TRAPPC9: variants seen among roughly 807,000 people sequenced by gnomAD.
TRAPPC9 encodes trafficking protein particle complex subunit 9.
A neutral mutation model predicts 124.0 loss-of-function variants in TRAPPC9; 83 were observed. The observed-to-expected ratio is 0.67, with a 90% CI of 0.56 to 0.80. The LOEUF is 0.80. TRAPPC9 is among the 30% of genes least tolerant of loss of function. The pLI is 0.00. For missense variants in TRAPPC9, 1,302 were observed against 1,508.3 expected (o/e 0.86, Z 2.27); for synonymous variants, 638 against 617.5 (o/e 1.03, Z -0.49).
chr8:139,970,442 G>A (rs1835988509), intron 19 of TRAPPC9, among the ~76,000 whole-genome samples: 1 of 152,136 alleles, frequency 6.6e-6, no homozygotes, highest in Non-Finnish European at 1.5e-5. Context: ...GGGGAGGGAG[G>A]GTACAAGGGA....
At chr8:140,168,772 G>T (rs933549055) in intron 17 of TRAPPC9, among the ~76,000 whole-genome samples, 1 of 152,176 alleles carries the variant, frequency 6.6e-6, no homozygotes, top group Non-Finnish European at 1.5e-5. Context: ...GATGTGGGGT[G>T]CATTTCACTC....
chr8:139,885,982 C>A lies in TRAPPC9; in HGVS notation c.2965-13G>T. The A allele has an allele frequency of 6.4e-7, 1 of 1,558,432 alleles. No individual in the cohort carries two copies. The highest frequency in any genetic ancestry group is 8.7e-7 in the Non-Finnish European group (1 of 1,150,586). ...GCTTCAGGGAGGGGTGAGCCTTGGT[C>A]AAGGAAAACGCAACTCCTGCGGAGC... On this transcript the variant is annotated splice_polypyrimidine_tract_variant and intron_variant, in intron 20 of 22. Coordinates refer to ENST00000438773, the MANE Select transcript of TRAPPC9 (RefSeq NM_001160372.4).
Position 139,930,549 on chromosome 8 carries a change from C to T in TRAPPC9, c.2811-20249G>A, listed in dbSNP as rs181768305. ...ATAGTCACACCCCTCTTTTTTCCAT[C>T]CTAGACATCAAACAGACAAAATGGT... On this transcript the variant is annotated intron_variant, in intron 19 of 22. Coordinates refer to ENST00000438773, the MANE Select transcript of TRAPPC9 (RefSeq NM_001160372.4). Among the ~76,000 whole-genome samples the T allele has an allele frequency of 3.5e-3, 540 of 152,272 alleles. 6 individuals carry two copies. The highest frequency in any genetic ancestry group is 2.9e-3 in the Non-Finnish European group (198 of 68,016).
At chr8:140,129,005 T>TATATATATTTA (rs1563783126) in intron 17 of TRAPPC9, among the ~76,000 whole-genome samples, 1 of 134,754 alleles carries the variant, frequency 7.4e-6, no homozygotes, top group Non-Finnish European at 1.6e-5. Context: ...ATATATATAT[T>TATATATATTTA]AAAAAAAAAA....
chr8:140,275,525 C>T, intron 15 of TRAPPC9, 133 bp downstream of exon 15: 1 of 1,017,064 alleles, frequency 9.8e-7, no homozygotes, highest in Non-Finnish European at 1.5e-6. Flanking sequence ...TAAGCCCTCG[C>T]CTGACTTCTA....
At chr8:140,251,956 T>C (rs772227344) in intron 16 of TRAPPC9, among the ~76,000 whole-genome samples, 2 of 152,170 alleles carry the variant, frequency 1.3e-5, no homozygotes, top group Non-Finnish European at 2.9e-5. Context: ...TAGGGGAGCC[T>C]GAGTTGACTG....
chr8:140,210,436 G>A (rs1312962761), intron 17 of TRAPPC9, among the ~76,000 whole-genome samples: 2 of 152,312 alleles, frequency 1.3e-5, no homozygotes, highest in Middle Eastern at 3.4e-3. Flanking sequence ...GCTGCTGGAG[G>A]GAAGTGGGGG....
intron 21 of TRAPPC9, among the ~76,000 whole-genome samples, chr8:139,763,889 G>A (rs1396157246): frequency 2.6e-5 from 4 of 152,264 alleles, no homozygotes; most frequent in Admixed American, 2.6e-4. Flanking sequence ...TCAGCAGCCA[G>A]AAGAACTGCC....
At chr8:140,235,187 G>A (rs1043498219) in intron 16 of TRAPPC9, among the ~76,000 whole-genome samples, 4 of 152,080 alleles carry the variant, frequency 2.6e-5, no homozygotes, top group African/African-American at 7.2e-5. Flanking sequence ...TGGTCAGGCC[G>A]GTCTCTAACT....
chr8:139,944,441 TGACAG>T (rs147184181), intron 19 of TRAPPC9, among the ~76,000 whole-genome samples: 1,751 of 152,338 alleles, frequency 0.011, 21 homozygotes, highest in Non-Finnish European at 0.018. Context: ...ATAGCTTCAA[TGACAG>T]GGCTTAGACA....
At chr8:140,339,971 T>G (rs2067147789) in intron 9 of TRAPPC9, among the ~76,000 whole-genome samples, 1 of 143,540 alleles carries the variant, frequency 7.0e-6, no homozygotes, top group Non-Finnish European at 1.5e-5. Context: ...GCCTCCCAAG[T>G]AGCTGGAATT....
intron 17 of TRAPPC9, among the ~76,000 whole-genome samples, chr8:140,150,468 C>T (rs1410002991): frequency 6.6e-6 from 1 of 152,120 alleles, no homozygotes; most frequent in Admixed American, 6.6e-5. Flanking sequence ...AAAATTATCT[C>T]ATTTAATCAT....
chr8:139,878,392 A>C (rs930668480), intron 21 of TRAPPC9, among the ~76,000 whole-genome samples: 1 of 152,182 alleles, frequency 6.6e-6, no homozygotes, highest in Admixed American at 6.5e-5. Context: ...TTTTTTATCT[A>C]TGTTTTCTGA....
intron 21 of TRAPPC9, among the ~76,000 whole-genome samples, chr8:139,749,126 C>A (rs538381612): frequency 3.9e-5 from 6 of 152,270 alleles, no homozygotes; most frequent in Middle Eastern, 3.4e-3. Flanking sequence ...CAGTGCCCTG[C>A]GACTTCCCCT....
chr8:139,878,754 C>T (rs1270573160), intron 21 of TRAPPC9, among the ~76,000 whole-genome samples: 2 of 152,190 alleles, frequency 1.3e-5, no homozygotes, highest in African/African-American at 2.4e-5. Context: ...CGCTTGAGGC[C>T]GGGAGTTCAA....
chr8:139,765,876 C>A (rs886432214), intron 21 of TRAPPC9, among the ~76,000 whole-genome samples: 1 of 152,180 alleles, frequency 6.6e-6, no homozygotes, highest in African/African-American at 2.4e-5. Flanking sequence ...TCATCCCCAG[C>A]CGGGGTCTGT....
At chr8:139,745,944 A>C (rs1818855513) in intron 21 of TRAPPC9, among the ~76,000 whole-genome samples, 1 of 152,272 alleles carries the variant, frequency 6.6e-6, no homozygotes, top group Non-Finnish European at 1.5e-5. Flanking sequence ...TGACATTCCG[A>C]GAGGCATCGT....
chr8:139,775,128 C>T (rs977078113), intron 21 of TRAPPC9, among the ~76,000 whole-genome samples: 9 of 152,222 alleles, frequency 5.9e-5, no homozygotes, highest in African/African-American at 1.9e-4. Context: ...CCTGACTGGG[C>T]GGGACTCTGG....
intron 5 of TRAPPC9, among the ~76,000 whole-genome samples, chr8:140,415,179 A>G (rs1377399114): frequency 6.6e-6 from 1 of 152,196 alleles, no homozygotes; most frequent in Non-Finnish European, 1.5e-5. Flanking sequence ...ACTGCACTCC[A>G]GCCTGGGCAA....
Sources: allele counts gnomAD v4.1 joint callset (sites outside exome capture counted in the v4.1 genomes callset), GRCh38; gene constraint gnomAD v4.1.1; transcripts MANE v1.5; gene names NCBI Gene and HGNC (gene_info 2026-07-23, HGNC 2026-07-21).